The following NAPRT variants were observed in gnomAD, a reference collection of about 807,000 sequenced individuals.
The protein encoded by NAPRT is FHA-HIT-interacting protein.
A neutral mutation model predicts 60.7 loss-of-function variants in NAPRT; 66 were observed. The observed-to-expected ratio is 1.09, with a 90% CI of 0.89 to 1.33. The LOEUF is 1.33. Among genes scored for constraint, NAPRT ranks in the 40% most tolerant of loss-of-function variants. The pLI is 0.00. For missense variants in NAPRT, 818 were observed against 731.5 expected, an observed-to-expected ratio of 1.12 and a Z score of -1.36; for synonymous variants, 405 against 335.7, an observed-to-expected ratio of 1.21 and a Z score of -2.26.
Position 143,575,761 on chromosome 8 carries a change from A to AGCCCAG in NAPRT, c.1108-60_1108-59insCTGGGC, listed in dbSNP as rs1344357668. 2.7e-6 allele frequency: 3 copies of AGCCCAG among 1,105,530 alleles called. No individual in the cohort carries two copies. In the East Asian group the frequency reaches 8.3e-5, roughly 31 times the overall value. The allele number at this position is 1,105,530 out of a possible 1,614,324, so 68.5% of individuals were successfully genotyped here. ...TGCCCTGGGTGGGGAAGGGGGTGGC[A>AGCCCAG]CTGCCCTGGGTGGGGAAGGAGGTGG... On this transcript the variant is annotated intron_variant, in intron 8 of 12. Transcript: ENST00000449291.
At chr8:143,574,187 G>A (rs531824286), downstream of NAPRT, among the ~76,000 whole-genome samples, 1 of 152,358 alleles carries the variant, frequency 6.6e-6, no homozygotes, top group African/African-American at 2.4e-5. Flanking sequence ...CCAGGTGTCT[G>A]GGGCTGAGTC....
chr8:143,575,951 G>A (rs1277713593), intron 8 of NAPRT, 127 bp downstream of exon 8: 1 of 787,274 alleles, frequency 1.3e-6, no homozygotes, highest in Non-Finnish European at 2.0e-6. Flanking sequence ...AGGTGGCAGT[G>A]CCCTGGGTGG....
rs1194227528 is a variant in NAPRT, at chr8:143,574,981, C to T, written c.1554+5G>A. 3 of 1,543,960 alleles carry T rather than the reference C, an allele frequency of 1.9e-6. No individual in the cohort carries two copies. The highest frequency in any genetic ancestry group is 1.7e-6 in the Non-Finnish European group (2 of 1,143,352). ...GCAGAATGACAGGGTGGGCCTCCCC[C>T]CAACCTGGTACTGTGCAGGGCTCCG... is the stretch of plus-strand genomic sequence containing the variant. On this transcript the variant is annotated splice_donor_5th_base_variant and intron_variant, in intron 12 of 12. Coordinates refer to ENST00000449291, the MANE Select transcript of NAPRT (RefSeq NM_145201.6).
downstream of NAPRT, chr8:143,573,781 CTG>C (rs1185536435): frequency 6.6e-6 from 1 of 152,338 alleles, no homozygotes; most frequent in Non-Finnish European, 1.5e-5. Flanking sequence ...GTGTGTGAGT[CTG>C]TATCTCTCTC....
rs375446712 is a variant in NAPRT, at chr8:143,576,548, T to C, written c.906A>G (p.Ala302=). ...VWRSGLPNFL[A]VALALGELGY... ...CCAGCTCTCCCAGGGCCAGGGCGAC[T>C]GCTAGGAAGTTGGGGAGACCACTCC... The change falls in exon 7 of 13, where the codon GCA becomes GCG. Residue 302 remains alanine, a synonymous_variant. Transcript: ENST00000449291. 1.8e-5 allele frequency: 29 copies of C among 1,611,708 alleles called. No individual in the cohort carries two copies. In the African/African-American group the frequency reaches 3.3e-4, roughly 19 times the overall value.
At chr8:143,573,148 A>G (rs1824172726), downstream of NAPRT, among the ~76,000 whole-genome samples, 1 of 152,032 alleles carries the variant, frequency 6.6e-6, no homozygotes, top group African/African-American at 2.4e-5. Flanking sequence ...GCCCCCAAGC[A>G]GCAGTCAGCT....
downstream of NAPRT, chr8:143,574,581 GCCTA>G (rs1824290750): frequency 1.7e-6 from 1 of 601,096 alleles, no homozygotes; most frequent in Non-Finnish European, 3.0e-6. Context: ...ACTCCCCACA[GCCTA>G]CCCAAAGCCG....
In NAPRT at chr8:143,575,556, C is replaced by T. The variant is rs760084393; in HGVS notation, c.1189-31G>A. 26 of 1,593,324 alleles carry T rather than the reference C, an allele frequency of 1.6e-5. No individual in the cohort carries two copies. The African/African-American group carries it at 3.0e-4, about 18-fold the overall frequency. Reference sequence around the variant, plus strand: ...GGAAGAGGGCGTTGAGCTGGCTGGTCCTTATCCCCCACCCAGCACCATCCC... The same window carrying T: ...GGAAGAGGGCGTTGAGCTGGCTGGTTCTTATCCCCCACCCAGCACCATCCC... On this transcript the variant is annotated intron_variant, in intron 9 of 12. Coordinates refer to ENST00000449291, the MANE Select transcript of NAPRT (RefSeq NM_145201.6).
rs1035749950 is a variant in NAPRT at position 143,576,550 on chromosome 8, C to T, written c.904G>A (p.Ala302Thr). The change falls in exon 7 of 13, where the codon GCA (alanine) becomes ACA (threonine). Residue 302 changes from alanine (A) to threonine (T), a missense_variant. Transcript: ENST00000449291. The stretch of plus-strand genomic sequence containing the variant: ...AGCTCTCCCAGGGCCAGGGCGACTG[C>T]TAGGAAGTTGGGGAGACCACTCCTG... The part of the protein sequence containing the change: ...VWRSGLPNFL[A>T]VALALGELGY... 1 of 1,611,522 alleles carries T rather than the reference C, an allele frequency of 6.2e-7. No individual in the cohort carries two copies. The highest frequency in any genetic ancestry group is 1.1e-5 in the South Asian group (1 of 90,910).
At chr8:143,575,836 G>A (rs1314786705) in intron 8 of NAPRT, 134 bp from the exon 9 acceptor site, 2 of 452,760 alleles carry the variant, frequency 4.4e-6, no homozygotes, top group South Asian at 2.7e-5. Context: ...TGGGGAAGGA[G>A]GTGCCAGTGC....
At chr8:143,576,017 A>C in intron 8 of NAPRT, 61 bp downstream of exon 8, 4 of 1,392,228 alleles carry the variant, frequency 2.9e-6, no homozygotes, top group Non-Finnish European at 3.9e-6. Context: ...GCCCAGCCAG[A>C]ACCTGCAGGG....
chr8:143,577,980 G>A, intron 1 of NAPRT, 37 bp from the exon 2 acceptor site: 1 of 1,590,390 alleles, frequency 6.3e-7, no homozygotes, highest in Non-Finnish European at 8.6e-7. Flanking sequence ...CCAGCGCGGG[G>A]ACAGACCGGT....
chr8:143,576,867 T>A (rs375799151), intron 5 of NAPRT, 25 bp from the exon 6 acceptor site: 2 of 1,578,266 alleles, frequency 1.3e-6, no homozygotes, highest in Non-Finnish European at 1.7e-6. Context: ...CGGTGAAGAA[T>A]GGGGGCCAGG....
chr8:143,572,876 CT>C (rs1824149944), downstream of NAPRT: 1 of 820,110 alleles, frequency 1.2e-6, no homozygotes, highest in East Asian at 3.1e-5. Context: ...TACAATGGGC[CT>C]TTGAGGGGCC....
At position 143,576,829 on chromosome 8, in the gene NAPRT, G is replaced by A. The variant is rs781669903; in HGVS notation, c.698C>T (p.Ala233Val). ...GTCCACCCCAGGGCCCTCACCAGCT[G>A]CTGGCGCCAACATCTGTGGAACAGA... ...EVPPDPMLAP[A>V]AGEGPGVDLA... The change falls in exon 6 of 13, where the codon GCA becomes GTA. Residue 233 changes from alanine to valine, a missense_variant. By Grantham distance (64) the Ala-to-Val change is moderately conservative (BLOSUM62 0). Coordinates refer to ENST00000449291, the MANE Select transcript of NAPRT (RefSeq NM_145201.6). 1 of 1,598,616 alleles carries A rather than the reference G, an allele frequency of 6.3e-7. No individual in the cohort carries two copies. The highest frequency in any genetic ancestry group is 1.1e-5 in the South Asian group (1 of 90,308).
intron 2 of NAPRT, 26 bp from the exon 3 acceptor site, chr8:143,577,765 G>A: frequency 6.4e-7 from 1 of 1,564,208 alleles, no homozygotes; most frequent in Non-Finnish European, 8.6e-7. Context: ...TCAGCTCCGC[G>A]CTCGGCCCAG....
At position 143,577,344 on chromosome 8, in the gene NAPRT, G is replaced by A. The variant is rs755756666; in HGVS notation, c.493C>T (p.Leu165=). 5.0e-6 allele frequency: 8 copies of A among 1,606,540 alleles called. No homozygotes were observed. The South Asian group carries it at 6.7e-5, about 13-fold the overall frequency. ...GCCCGCCTCAGGCCCATCTCTAGCAGCCGCTTCTCTGGCCCTGCGATCAAG... is the reference window on the plus strand; with the variant it reads ...GCCCGCCTCAGGCCCATCTCTAGCAACCGCTTCTCTGGCCCTGCGATCAAG... ...LRLIAGPEKR[L]LEMGLRRAQG... is the part of the protein sequence containing the mutation. Residue 165 remains leucine, a synonymous_variant, in exon 4 of 13, where the codon CTG becomes TTG. Transcript: ENST00000449291.
Position 143,578,131 on chromosome 8 carries a change from C to A in NAPRT, c.188G>T (p.Cys63Phe). The change falls in exon 1 of 13, where the codon TGT (cysteine) becomes TTT (phenylalanine). Residue 63 changes from cysteine to phenylalanine, a missense_variant. By Grantham distance (205) the Cys-to-Phe change is radical. Transcript: ENST00000449291. ...AFALAAGLRD[C>F]VRFLRAFRLR... ...GCGGAAGGCGCGCAGGAAGCGCACA[C>A]AGTCGCGCAAGCCGGCGGCCAAGGC... The A allele has an allele frequency of 6.5e-7, 1 of 1,527,644 alleles. No homozygotes were observed. Among genetic ancestry groups the A allele is most frequent in the Non-Finnish European group, 8.7e-7 (1 of 1,144,190 alleles). 94.6% of individuals were successfully genotyped at this position (1,527,644 alleles called of 1,614,324 possible). A position where few individuals can be genotyped will look rare whatever the true frequency, so the allele number is the denominator to read the frequency against.
Position 143,576,166 on chromosome 8 carries a change from C to T in NAPRT, c.1023-4G>A. Reference sequence around the variant, plus strand: ...CTCCAGCCAGGGCACCTGGAACCTGCCGCGTGGGTGGAGAAAGGGTGGGGG... The same window carrying T: ...CTCCAGCCAGGGCACCTGGAACCTGTCGCGTGGGTGGAGAAAGGGTGGGGG... On this transcript the variant is annotated splice_region_variant and splice_polypyrimidine_tract_variant and intron_variant, in intron 7 of 12. Coordinates refer to ENST00000449291, the MANE Select transcript of NAPRT (RefSeq NM_145201.6). 4 of 1,591,330 alleles carry T rather than the reference C, an allele frequency of 2.5e-6. No homozygotes were observed. The highest frequency in any genetic ancestry group is 3.4e-6 in the Non-Finnish European group (4 of 1,167,158).
Sources: gnomAD v4.1 joint callset for allele counts (sites outside exome capture counted in the v4.1 genomes callset) on GRCh38, gnomAD v4.1.1 for gene constraint, MANE v1.5 for transcripts, NCBI Gene and HGNC (gene_info 2026-07-23, HGNC 2026-07-21) for gene names.